Variants in NMNAT2 observed in about 807,000 individuals in gnomAD.
NMNAT2 encodes nicotinamide nucleotide adenylyltransferase 2.
NMNAT2 carries 11 observed loss-of-function variants against 41.6 expected under a neutral mutation model. The observed-to-expected ratio is 0.26, with a 90% CI of 0.17 to 0.44. The LOEUF (loss-of-function observed/expected upper bound fraction) is 0.44, where lower values mean the gene tolerates loss of function less well. Ranked by LOEUF, NMNAT2 falls within the 20% of genes least tolerant of loss-of-function variation. The pLI is 1.00. For missense variants in NMNAT2, 288 were observed against 407.7 expected (o/e 0.71, Z 2.53); for synonymous variants, 148 against 151.2 (o/e 0.98, Z 0.16).
rs1276430302 is a variant in NMNAT2 at position 183,278,558 on chromosome 1, C to T, written c.646G>A (p.Ala216Thr). ...SFCIPGLWNE[A>T]DMEVIVGDFG... Reference sequence around the variant, plus strand: ...GCAATAACCTTGCTACTCACATCTGCCTCGTTCCAGAGCCCTGGGATGCAG... The same window carrying T: ...GCAATAACCTTGCTACTCACATCTGTCTCGTTCCAGAGCCCTGGGATGCAG... Residue 216 changes from alanine (A) to threonine (T), a missense_variant, in exon 8 of 11, where the codon GCA (alanine) becomes ACA (threonine). Ala to Thr is a moderately conservative substitution (Grantham distance 58, BLOSUM62 0). Coordinates refer to ENST00000287713, the MANE Select transcript of NMNAT2 (RefSeq NM_015039.4). 1 of 1,611,286 alleles carries T rather than the reference C, an allele frequency of 6.2e-7. No individual in the cohort carries two copies. The highest frequency in any genetic ancestry group is 1.7e-5 in the Admixed American group (1 of 60,016).
At chr1:183,295,561 A>T (rs535441869) in intron 1 of NMNAT2, among the ~76,000 whole-genome samples, 1 of 152,098 alleles carries the variant, frequency 6.6e-6, no homozygotes, top group African/African-American at 2.4e-5. Context: ...TTACATTAAG[A>T]TTTACTCTGT....
At position 183,290,579 on chromosome 1, in the gene NMNAT2, C is replaced by T. The variant is rs145455593; in HGVS notation, c.243-373G>A. 1.5e-3 allele frequency: 296 copies of T among 191,582 alleles called. 1 individual carries two copies. The highest frequency in any genetic ancestry group is 4.3e-3 in the African/African-American group (187 of 43,044). The allele number at this position is 191,582 out of a possible 1,614,324, so 11.9% of individuals were successfully genotyped here. On this transcript the variant is annotated intron_variant, in intron 3 of 10. Transcript: ENST00000287713. ...AGCTTACAGTTTTGTTAGAAAGGCT[C>T]GGTAAGTTTTATGTGTACAATGCTC...
At chr1:183,335,624 A>G (rs2102341567) in intron 1 of NMNAT2, among the ~76,000 whole-genome samples, 1 of 152,346 alleles carries the variant, frequency 6.6e-6, no homozygotes, top group South Asian at 2.1e-4. Context: ...AAGCTTGGGA[A>G]AAATAGAACT....
At chr1:183,303,942 G>A (rs1273195691) in intron 1 of NMNAT2, among the ~76,000 whole-genome samples, 2 of 152,230 alleles carry the variant, frequency 1.3e-5, no homozygotes, top group Non-Finnish European at 2.9e-5. Flanking sequence ...GCCATGCCTA[G>A]GCCAGCCATC....
At chr1:183,396,150 A>G (rs753564663) in intron 1 of NMNAT2, among the ~76,000 whole-genome samples, 3 of 152,158 alleles carry the variant, frequency 2.0e-5, no homozygotes, top group Non-Finnish European at 4.4e-5. Context: ...CTTGGTAGAC[A>G]TAAGTGCCAG....
At chr1:183,386,930 C>T (rs1002657796) in intron 1 of NMNAT2, among the ~76,000 whole-genome samples, 2 of 151,756 alleles carry the variant, frequency 1.3e-5, no homozygotes, top group South Asian at 2.1e-4. Context: ...TAGTTAAATG[C>T]GAAGATGTTT....
chr1:183,323,539 C>T (rs1571598050), intron 1 of NMNAT2, among the ~76,000 whole-genome samples: 1 of 152,282 alleles, frequency 6.6e-6, no homozygotes, highest in Non-Finnish European at 1.5e-5. Context: ...TTCTGCCCTA[C>T]CCTCATTACC....
chr1:183,351,010 C>T lies in NMNAT2; in HGVS notation c.86-57217G>A, dbSNP rs980108608. ...CCATGGAATCTTGTGCTAGGGATTG[C>T]GAGGTCCCAGAGAACTGTGTCCCAT... On this transcript the variant is annotated intron_variant, in intron 1 of 10. Coordinates refer to ENST00000287713, the MANE Select transcript of NMNAT2 (RefSeq NM_015039.4). Among the ~76,000 whole-genome samples the T allele has an allele frequency of 4.6e-5, 7 of 152,132 alleles. No individual in the cohort carries two copies. In the South Asian group the frequency reaches 6.2e-4, roughly 14 times the overall value.
At chr1:183,299,293 T>C (rs12134301) in intron 1 of NMNAT2, among the ~76,000 whole-genome samples, 135 of 152,160 alleles carry the variant, frequency 8.9e-4, no homozygotes, top group Non-Finnish European at 1.5e-3. Flanking sequence ...GGAGGATTGC[T>C]TGAACCTGGG....
chr1:183,321,573 C>A (rs1175932894), intron 1 of NMNAT2, among the ~76,000 whole-genome samples: 3 of 152,046 alleles, frequency 2.0e-5, no homozygotes, highest in Non-Finnish European at 4.4e-5. Context: ...GAAACCCCAT[C>A]TCTACTAAAA....
chr1:183,278,494 G>A, intron 8 of NMNAT2, 59 bp downstream of exon 8: 1 of 1,214,960 alleles, frequency 8.2e-7, no homozygotes, highest in Non-Finnish European at 1.2e-6. Context: ...AAAATCAAAT[G>A]CACACTTCCC....
At chr1:183,351,060 C>T (rs1663036950) in intron 1 of NMNAT2, among the ~76,000 whole-genome samples, 1 of 152,210 alleles carries the variant, frequency 6.6e-6, no homozygotes, top group African/African-American at 2.4e-5. Flanking sequence ...AATCTATCGT[C>T]ATTCAGCATC....
At chr1:183,407,816 A>G (rs1649002828) in intron 1 of NMNAT2, among the ~76,000 whole-genome samples, 1 of 152,240 alleles carries the variant, frequency 6.6e-6, no homozygotes, top group Admixed American at 6.5e-5. Flanking sequence ...TATAAGGTAT[A>G]TAAGATATTA....
At chr1:183,368,490 G>C (rs1374887410) in intron 1 of NMNAT2, among the ~76,000 whole-genome samples, 1 of 152,172 alleles carries the variant, frequency 6.6e-6, no homozygotes, top group Non-Finnish European at 1.5e-5. Flanking sequence ...AACAGAATTG[G>C]GGTGTTTGGG....
intron 1 of NMNAT2, among the ~76,000 whole-genome samples, chr1:183,380,546 A>G (rs1336262669): frequency 6.6e-6 from 1 of 152,222 alleles, no homozygotes; most frequent in Non-Finnish European, 1.5e-5. Context: ...GCATTATCAT[A>G]GAGACACAAA....
At chr1:183,278,842 T>A (rs1661191444) in intron 7 of NMNAT2, among the ~76,000 whole-genome samples, 1 of 152,138 alleles carries the variant, frequency 6.6e-6, no homozygotes, top group African/African-American at 2.4e-5. Context: ...CCTCATCCCC[T>A]GTGGGAGGAA....
chr1:183,366,224 C>T (rs1235910706), intron 1 of NMNAT2, among the ~76,000 whole-genome samples: 2 of 152,204 alleles, frequency 1.3e-5, no homozygotes, highest in Non-Finnish European at 2.9e-5. Flanking sequence ...TATTAATTCA[C>T]TCACTCAACT....
chr1:183,317,279 A>AT (rs1227117218), intron 1 of NMNAT2, among the ~76,000 whole-genome samples: 4 of 151,944 alleles, frequency 2.6e-5, no homozygotes, highest in Admixed American at 6.6e-5. Context: ...TGACTGATGG[A>AT]TTTTTTCTTT....
intron 4 of NMNAT2, among the ~76,000 whole-genome samples, chr1:183,287,625 A>G (rs1366250852): frequency 2.0e-5 from 3 of 152,232 alleles, no homozygotes; most frequent in African/African-American, 7.2e-5. Context: ...GGCCAAGGTG[A>G]TGGGGAGAGT....
Sources: allele counts gnomAD v4.1 joint callset (sites outside exome capture counted in the v4.1 genomes callset), GRCh38; gene constraint gnomAD v4.1.1; transcripts MANE v1.5; gene names NCBI Gene and HGNC (gene_info 2026-07-23, HGNC 2026-07-21).